RARB: variants seen among roughly 807,000 people sequenced by gnomAD.
The protein encoded by RARB is retinoic acid receptor beta.
Under a neutral mutation model 51.9 loss-of-function variants are expected in RARB, and 17 were observed. The observed-to-expected ratio is 0.33, with a 90% CI of 0.22 to 0.49. The LOEUF (loss-of-function observed/expected upper bound fraction) is 0.49, where lower values mean the gene tolerates loss of function less well. Ranked by LOEUF, RARB falls within the 20% of genes least tolerant of loss-of-function variation. The pLI, the probability that RARB is intolerant of heterozygous loss-of-function variation, is 0.99. For missense variants in RARB, 369 were observed against 550.8 expected (o/e 0.67, Z 3.30); for synonymous variants, 215 against 195.4 (o/e 1.10, Z -0.84).
At position 25,228,168 on chromosome 3, in the gene RARB, C is replaced by T. The variant is rs1403961540; in HGVS notation, c.178+53593C>T. Among the ~76,000 whole-genome samples, 3 of 147,884 alleles carry T rather than the reference C, an allele frequency of 2.0e-5. No individual in the cohort carries two copies. In the Admixed American group the frequency reaches 2.0e-4, roughly 10 times the overall value. On this transcript the variant is annotated intron_variant, in intron 5 of 11. Transcript: ENST00000383772. ...GCTGAGCCATTTGGATGTGCAGATA[C>T]AGAACTTCCTTTTTCATTGGAAAGT...
At chr3:25,540,593 A>T (rs1677436925) in intron 3 of RARB, among the ~76,000 whole-genome samples, 1 of 152,112 alleles carries the variant, frequency 6.6e-6, no homozygotes, top group African/African-American at 2.4e-5. Flanking sequence ...TGCATATCTG[A>T]TTGTACCCAG....
At chr3:25,170,670 C>G (rs321545) in intron 4 of RARB, among the ~76,000 whole-genome samples, 147,380 of 152,314 alleles carry the variant, frequency 0.97, 71,333 homozygotes, top group African/African-American at 0.99. Context: ...AATGACCTCT[C>G]GTGAATGAAA....
At chr3:24,924,564 G>T (rs1166346937) in intron 2 of RARB, among the ~76,000 whole-genome samples, 2 of 152,056 alleles carry the variant, frequency 1.3e-5, no homozygotes, top group African/African-American at 4.8e-5. Flanking sequence ...GTGACTAATA[G>T]ATATCATATT....
chr3:25,566,223 AGCC>A (rs1700488752), intron 3 of RARB, among the ~76,000 whole-genome samples: 1 of 152,186 alleles, frequency 6.6e-6, no homozygotes, highest in Non-Finnish European at 1.5e-5. Flanking sequence ...CAGCTGCTGA[AGCC>A]ACGTGTTTAG....
intron 5 of RARB, among the ~76,000 whole-genome samples, chr3:25,266,297 A>T (rs1703125201): frequency 1.3e-5 from 2 of 151,968 alleles, no homozygotes; most frequent in Non-Finnish European, 2.9e-5. Context: ...CAAAATGGAA[A>T]TTTTTTCTAT....
chr3:24,830,664 G>GGT (rs142061113), intron 1 of RARB, among the ~76,000 whole-genome samples: 3,754 of 139,874 alleles, frequency 0.027, 73 homozygotes, highest in Middle Eastern at 0.068. Context: ...CAGAGTGTGG[G>GGT]GTGTGTGTGT....
At chr3:25,315,959 G>A (rs188380807) in intron 5 of RARB, among the ~76,000 whole-genome samples, 17 of 152,080 alleles carry the variant, frequency 1.1e-4, no homozygotes, top group Non-Finnish European at 2.2e-4. Flanking sequence ...TTTTCAGATC[G>A]TCTAAAATAT....
chr3:24,893,758 C>T (rs1042264188), intron 2 of RARB, among the ~76,000 whole-genome samples: 1 of 151,834 alleles, frequency 6.6e-6, no homozygotes, highest in Admixed American at 6.6e-5. Flanking sequence ...CTTCTGGACT[C>T]AAGCAATCCT....
At chr3:25,317,338 C>T (rs1193032442) in intron 5 of RARB, among the ~76,000 whole-genome samples, 1 of 151,962 alleles carries the variant, frequency 6.6e-6, no homozygotes, top group Admixed American at 6.6e-5. Context: ...TAAGGACATA[C>T]AAATGGGAAA....
intron 1 of RARB, among the ~76,000 whole-genome samples, chr3:25,438,237 A>G (rs908353947): frequency 6.6e-6 from 1 of 152,216 alleles, no homozygotes; most frequent in Admixed American, 6.5e-5. Flanking sequence ...AGGAGGCAGC[A>G]GAGGCTCCCA....
chr3:25,078,578 C>A (rs998128687), intron 3 of RARB, among the ~76,000 whole-genome samples: 13 of 147,080 alleles, frequency 8.8e-5, no homozygotes, highest in Non-Finnish European at 1.6e-4. Flanking sequence ...TTCTTGTTGC[C>A]CAGGCTGGAG....
intron 3 of RARB, among the ~76,000 whole-genome samples, chr3:25,129,329 A>G (rs1263587408): frequency 6.6e-6 from 1 of 152,096 alleles, no homozygotes; most frequent in African/African-American, 2.4e-5. Flanking sequence ...TATATTTTAA[A>G]GCATCAGTTA....
At chr3:25,139,038 C>A (rs1400305905) in intron 4 of RARB, among the ~76,000 whole-genome samples, 3 of 152,086 alleles carry the variant, frequency 2.0e-5, no homozygotes, top group African/African-American at 7.2e-5. Flanking sequence ...GCACAAAGAA[C>A]CATGCCCATT....
intron 2 of RARB, among the ~76,000 whole-genome samples, chr3:24,995,108 T>C (rs1202850085): frequency 6.6e-6 from 1 of 152,138 alleles, no homozygotes; most frequent in African/African-American, 2.4e-5. Flanking sequence ...ATACTGATTC[T>C]TCCAATTCAT....
intron 2 of RARB, among the ~76,000 whole-genome samples, chr3:24,958,073 T>A (rs967752086): frequency 1.3e-5 from 2 of 152,088 alleles, no homozygotes; most frequent in African/African-American, 2.4e-5. Flanking sequence ...AACATCTGGC[T>A]CTTGTGAACC....
intron 1 of RARB, among the ~76,000 whole-genome samples, chr3:24,854,515 T>C (rs1702608209): frequency 6.6e-6 from 1 of 152,210 alleles, no homozygotes; most frequent in Non-Finnish European, 1.5e-5. Context: ...AGCATTTCCT[T>C]CACCTGGGTA....
intron 4 of RARB, among the ~76,000 whole-genome samples, chr3:25,140,177 A>C (rs1449745709): frequency 6.6e-6 from 1 of 152,092 alleles, no homozygotes; most frequent in Admixed American, 6.6e-5. Context: ...AGGCCTTATT[A>C]TTTAATAAAT....
chr3:25,247,695 T>C (rs1459290049), intron 5 of RARB, among the ~76,000 whole-genome samples: 2 of 152,164 alleles, frequency 1.3e-5, no homozygotes, highest in Non-Finnish European at 2.9e-5. Context: ...GTACCTCAGT[T>C]GGAAATGCAG....
intron 2 of RARB, among the ~76,000 whole-genome samples, chr3:24,931,407 C>G (rs1695437580): frequency 6.6e-6 from 1 of 151,978 alleles, no homozygotes. Flanking sequence ...TCCCCTTTAG[C>G]TAGGGTACAA....
Sources: gnomAD v4.1 joint callset for allele counts (sites outside exome capture counted in the v4.1 genomes callset) on GRCh38, gnomAD v4.1.1 for gene constraint, MANE v1.5 for transcripts, NCBI Gene and HGNC (gene_info 2026-07-23, HGNC 2026-07-21) for gene names.